Variants in RIT2 observed in about 807,000 individuals in gnomAD.
RIT2 encodes the protein Ras like without CAAX 2.
Under a neutral mutation model 23.7 loss-of-function variants are expected in RIT2, and 24 were observed. The ratio of observed to expected loss-of-function variants is 1.01; its 90% CI spans 0.73 to 1.43. RIT2 has a LOEUF of 1.43. Among genes scored for constraint, RIT2 ranks in the 40% most tolerant of loss-of-function variants. The pLI, the probability that RIT2 is intolerant of heterozygous loss-of-function variation, is 0.00. For synonymous variants in RIT2, 107 were observed against 91.1 expected, an observed-to-expected ratio of 1.17 and a Z score of -0.99; for missense variants, 236 against 266.9, an observed-to-expected ratio of 0.88 and a Z score of 0.81.
At chr18:42,791,044 CT>C (rs2143946292) in intron 4 of RIT2, among the ~76,000 whole-genome samples, 1 of 152,224 alleles carries the variant, frequency 6.6e-6, no homozygotes, top group Admixed American at 6.5e-5. Flanking sequence ...CCCTACATGC[CT>C]TTTGTTGTTC....
At chr18:42,853,378 A>T (rs1907106369) in intron 4 of RIT2, among the ~76,000 whole-genome samples, 1 of 152,226 alleles carries the variant, frequency 6.6e-6, no homozygotes, top group Admixed American at 6.5e-5. Flanking sequence ...CATCCAGGTC[A>T]TTGGCATAAA....
chr18:42,952,491 T>G (rs1223967367), intron 3 of RIT2, among the ~76,000 whole-genome samples: 2 of 152,064 alleles, frequency 1.3e-5, no homozygotes. Context: ...TGATACTGTA[T>G]AGCATACTGG....
chr18:42,954,686 G>A (rs902110303), intron 3 of RIT2, among the ~76,000 whole-genome samples: 5 of 151,808 alleles, frequency 3.3e-5, no homozygotes, highest in Non-Finnish European at 7.4e-5. Context: ...ATTTTTTAAG[G>A]TCTGAATGAG....
At chr18:42,888,478 T>A (rs994331260) in intron 4 of RIT2, among the ~76,000 whole-genome samples, 4 of 152,088 alleles carry the variant, frequency 2.6e-5, no homozygotes, top group African/African-American at 9.7e-5. Flanking sequence ...CCAGCAACAC[T>A]GTATAAGCAT....
intron 1 of RIT2, among the ~76,000 whole-genome samples, chr18:43,108,584 A>G (rs1330840617): frequency 6.6e-6 from 1 of 152,214 alleles, no homozygotes; most frequent in African/African-American, 2.4e-5. Context: ...TGGGGCAGAC[A>G]TATCATATAG....
chr18:43,019,870 A>G (rs974066493), intron 2 of RIT2, among the ~76,000 whole-genome samples: 4 of 152,070 alleles, frequency 2.6e-5, no homozygotes, highest in African/African-American at 9.7e-5. Flanking sequence ...ACAAAAATCA[A>G]TAGTGTTTCT....
At chr18:42,861,016 T>G (rs17641592) in intron 4 of RIT2, among the ~76,000 whole-genome samples, 11,089 of 152,324 alleles carry the variant, frequency 0.073, 532 homozygotes, top group Non-Finnish European at 0.1. Flanking sequence ...TGTACACAAA[T>G]GTATGGACAA....
At chr18:42,823,491 A>C (rs1906207946) in intron 4 of RIT2, among the ~76,000 whole-genome samples, 1 of 152,192 alleles carries the variant, frequency 6.6e-6, no homozygotes, top group Admixed American at 6.5e-5. Context: ...TAGGTGATTA[A>C]ATAACTGCTA....
intron 4 of RIT2, among the ~76,000 whole-genome samples, chr18:42,756,097 G>A (rs1598641382): frequency 6.6e-6 from 1 of 152,168 alleles, no homozygotes; most frequent in Admixed American, 6.6e-5. Flanking sequence ...CAGAGCACAA[G>A]GGAGAAGAAG....
At chr18:42,771,959 T>C (rs1251626116) in intron 4 of RIT2, among the ~76,000 whole-genome samples, 2 of 152,040 alleles carry the variant, frequency 1.3e-5, no homozygotes, top group African/African-American at 4.8e-5. Flanking sequence ...TCCACAAAGA[T>C]AAAAAATCAC....
chr18:42,984,939 C>T (rs1910676823), intron 2 of RIT2, among the ~76,000 whole-genome samples: 1 of 151,214 alleles, frequency 6.6e-6, no homozygotes, highest in Non-Finnish European at 1.5e-5. Context: ...CTTAGTTCTG[C>T]AAGAAAAATG....
intron 4 of RIT2, among the ~76,000 whole-genome samples, chr18:42,810,344 C>G (rs940004868): frequency 6.6e-6 from 1 of 151,722 alleles, no homozygotes; most frequent in Non-Finnish European, 1.5e-5. Context: ...GCAAAGTAAT[C>G]TAAGAAAGAC....
chr18:43,031,435 T>G (rs919661856), intron 2 of RIT2, among the ~76,000 whole-genome samples: 4 of 151,902 alleles, frequency 2.6e-5, no homozygotes, highest in Admixed American at 2.6e-4. Context: ...TGAGTCAGTG[T>G]AATAAAGAAG....
At chr18:42,813,966 G>A (rs1006096066) in intron 4 of RIT2, among the ~76,000 whole-genome samples, 5 of 152,170 alleles carry the variant, frequency 3.3e-5, no homozygotes, top group Admixed American at 2.0e-4. Flanking sequence ...GGAAACTGAA[G>A]GTCTAGATTA....
rs184660641 is a variant in RIT2 at position 42,984,333 on chromosome 18, C to T, written c.161-10186G>A. 3.3e-5 allele frequency among the ~76,000 whole-genome samples: 5 copies of T among 152,040 alleles called. No homozygotes were observed. In the East Asian group the frequency reaches 9.7e-4, roughly 29 times the overall value. On this transcript the variant is annotated intron_variant, in intron 2 of 4. Coordinates refer to ENST00000326695, the MANE Select transcript of RIT2 (RefSeq NM_002930.4). ...TTTATTGGTTACAAACTGTATGATTCCACTTATATAATATTATTTACATGA... is the reference window on the plus strand; with the variant it reads ...TTTATTGGTTACAAACTGTATGATTTCACTTATATAATATTATTTACATGA...
chr18:42,936,183 G>A (rs8099208), intron 3 of RIT2, among the ~76,000 whole-genome samples: 105,292 of 151,766 alleles, frequency 0.69, 37,941 homozygotes, highest in Non-Finnish European at 0.81. Context: ...ATTAGCTCCA[G>A]TTGGCCTTCA....
chr18:42,876,662 G>A (rs1383080862), intron 4 of RIT2, among the ~76,000 whole-genome samples: 2 of 151,242 alleles, frequency 1.3e-5, no homozygotes, highest in African/African-American at 2.4e-5. Flanking sequence ...TATCTTTTGT[G>A]TTTATGTATT....
At chr18:42,968,802 T>C (rs1046652123) in intron 3 of RIT2, among the ~76,000 whole-genome samples, 9 of 152,172 alleles carry the variant, frequency 5.9e-5, no homozygotes, top group Non-Finnish European at 1.5e-5. Flanking sequence ...TTAAGAAGTA[T>C]GTGAACAGAA....
chr18:42,916,907 A>C (rs1409111046), intron 4 of RIT2, among the ~76,000 whole-genome samples: 2 of 152,122 alleles, frequency 1.3e-5, no homozygotes, highest in Non-Finnish European at 2.9e-5. Context: ...GAGAAGTTGA[A>C]CGTTAATGCA....
Sources: allele counts gnomAD v4.1 joint callset (sites outside exome capture counted in the v4.1 genomes callset), GRCh38; gene constraint gnomAD v4.1.1; transcripts MANE v1.5; gene names NCBI Gene and HGNC (gene_info 2026-07-23, HGNC 2026-07-21).